DRC8: variants seen among roughly 807,000 people sequenced by gnomAD.
DRC8 encodes the protein dynein regulatory complex subunit 8, also known as dynein regulatory complex protein 8.
At chr1:245,059,763 C>T in the DRC8 span, among the ~76,000 whole-genome samples, 12 of 152,112 alleles carry the variant, frequency 7.9e-5, no homozygotes, top group Non-Finnish European at 1.3e-4. Flanking sequence ...TGACCGTATG[C>T]AGAAAGGCTA....
At chr1:245,064,242 A>C in the DRC8 span, among the ~76,000 whole-genome samples, 6 of 152,304 alleles carry the variant, frequency 3.9e-5, no homozygotes, top group East Asian at 1.2e-3. Context: ...TAGGAATGAA[A>C]TGAAGGTCCT....
the DRC8 span, among the ~76,000 whole-genome samples, chr1:244,997,970 C>CAAA: frequency 0.82 from 125,044 of 151,786 alleles, 51,634 homozygotes; most frequent in East Asian, 1. Flanking sequence ...CTGTCCATCT[C>CAAA]TTCCACTATC....
At chr1:245,054,561 C>T in the DRC8 span, among the ~76,000 whole-genome samples, 18 of 152,278 alleles carry the variant, frequency 1.2e-4, no homozygotes, top group Non-Finnish European at 1.2e-4. Context: ...GCCTCCACGC[C>T]CCGGCCCTCT....
At chr1:245,113,249 A>G in the DRC8 span, among the ~76,000 whole-genome samples, 1 of 152,190 alleles carries the variant, frequency 6.6e-6, no homozygotes, top group African/African-American at 2.4e-5. Flanking sequence ...ACATGATGAA[A>G]ATGCCAGTGT....
At chr1:245,044,345 G>T in the DRC8 span, among the ~76,000 whole-genome samples, 1 of 152,152 alleles carries the variant, frequency 6.6e-6, no homozygotes, top group African/African-American at 2.4e-5. Flanking sequence ...TGCCTATGAG[G>T]AGCCAGTGAT....
chr1:245,083,414 A>G, the DRC8 span: 10 of 1,605,888 alleles, frequency 6.2e-6, no homozygotes, highest in Non-Finnish European at 5.1e-6. Context: ...ATACCACGGC[A>G]TTTACTCATT....
At chr1:244,985,229 A>G in the DRC8 span, among the ~76,000 whole-genome samples, 5 of 152,174 alleles carry the variant, frequency 3.3e-5, no homozygotes, top group Admixed American at 6.5e-5. Context: ...CTTATCCCAG[A>G]CTTCATTTAG....
chr1:245,047,635 CAAAAAA>C, the DRC8 span, among the ~76,000 whole-genome samples: 1 of 103,904 alleles, frequency 9.6e-6, no homozygotes, highest in Non-Finnish European at 1.8e-5. Context: ...ACTCCATCTC[CAAAAAA>C]AAAAAAAAAC....
At chr1:245,084,062 G>T in the DRC8 span, among the ~76,000 whole-genome samples, 3 of 77,950 alleles carry the variant, frequency 3.8e-5, 1 homozygote, top group Non-Finnish European at 7.0e-5. Context: ...TAAAAATTCC[G>T]CCCCCCCCCC....
the DRC8 span, among the ~76,000 whole-genome samples, chr1:244,974,555 C>T: frequency 6.6e-6 from 1 of 152,092 alleles, no homozygotes; most frequent in East Asian, 1.9e-4. Flanking sequence ...CTTCATTGTG[C>T]CACTCTTTTG....
chr1:245,024,156 C>T, the DRC8 span, among the ~76,000 whole-genome samples: 3 of 151,538 alleles, frequency 2.0e-5, no homozygotes, highest in African/African-American at 7.3e-5. Flanking sequence ...TGCGGCTGAG[C>T]GAGACTCTTA....
the DRC8 span, among the ~76,000 whole-genome samples, chr1:244,982,095 A>G: frequency 1.3e-5 from 2 of 152,288 alleles, no homozygotes; most frequent in Non-Finnish European, 2.9e-5. Flanking sequence ...TGGAGACTCT[A>G]TTTAAGGACA....
chr1:245,109,147 A>G, the DRC8 span, among the ~76,000 whole-genome samples: 10 of 152,178 alleles, frequency 6.6e-5, 1 homozygote, highest in African/African-American at 1.7e-4. Context: ...CCTCAGAGAT[A>G]TCCTGCCTGA....
the DRC8 span, among the ~76,000 whole-genome samples, chr1:245,001,358 T>C: frequency 6.6e-6 from 1 of 152,182 alleles, no homozygotes; most frequent in African/African-American, 2.4e-5. Flanking sequence ...CATGTTATAC[T>C]AATACAGTGT....
chr1:245,067,737 T>C, the DRC8 span, among the ~76,000 whole-genome samples: 10 of 152,348 alleles, frequency 6.6e-5, no homozygotes, highest in East Asian at 1.9e-4. Context: ...GACTCTATCA[T>C]TGAGCTTCTG....
the DRC8 span, among the ~76,000 whole-genome samples, chr1:245,096,379 C>T: frequency 1.3e-5 from 2 of 152,258 alleles, no homozygotes; most frequent in African/African-American, 4.8e-5. Flanking sequence ...CCCGCGCTCA[C>T]ACCAAAATGC....
the DRC8 span, among the ~76,000 whole-genome samples, chr1:245,019,702 G>T: frequency 3.3e-5 from 5 of 152,030 alleles, no homozygotes; most frequent in African/African-American, 4.8e-5. Context: ...TTAAGCTTTG[G>T]GAGGCCAAGG....
At chr1:245,009,787 C>T in the DRC8 span, among the ~76,000 whole-genome samples, 1 of 151,592 alleles carries the variant, frequency 6.6e-6, no homozygotes, top group Non-Finnish European at 1.5e-5. Flanking sequence ...TTTTTTAATC[C>T]AGTTGAACTG....
chr1:245,045,981 T>C, the DRC8 span, among the ~76,000 whole-genome samples: 1 of 152,188 alleles, frequency 6.6e-6, no homozygotes, highest in Non-Finnish European at 1.5e-5. Flanking sequence ...AATTTAGTTC[T>C]AGGAAGTCAG....
Sources: allele counts gnomAD v4.1 joint callset (sites outside exome capture counted in the v4.1 genomes callset), GRCh38; gene constraint gnomAD v4.1.1; transcripts MANE v1.5; gene names NCBI Gene and HGNC (gene_info 2026-07-23, HGNC 2026-07-21).